The following MYO18B variants were observed in gnomAD, a reference collection of about 807,000 sequenced individuals.
MYO18B encodes the protein myosin XVIIIB.
A neutral mutation model predicts 273.0 loss-of-function variants in MYO18B; 204 were observed. The observed-to-expected ratio is 0.75, with a 90% CI of 0.67 to 0.84. The LOEUF is 0.84. MYO18B is among the 40% of genes least tolerant of loss of function. The pLI, the probability that MYO18B is intolerant of heterozygous loss-of-function variation, is 0.00. For synonymous variants in MYO18B, 1,330 were observed against 1,305.7 expected, an observed-to-expected ratio of 1.02 and a Z score of -0.40; for missense variants, 3,212 against 3,287.6, an observed-to-expected ratio of 0.98 and a Z score of 0.56.
chr22:25,891,349 C>T lies in MYO18B; in HGVS notation c.4480C>T (p.Gln1494Ter). The T allele has an allele frequency of 6.3e-7, 1 of 1,584,812 alleles. No individual in the cohort carries two copies. Among genetic ancestry groups the T allele is most frequent in the Non-Finnish European group, 8.6e-7 (1 of 1,165,206 alleles). The change falls in exon 27 of 44, where the codon CAG becomes TAG. Residue 1494 changes from glutamine to a stop codon, truncating the protein, a stop_gained. Transcript: ENST00000335473. LOFTEE classifies it high-confidence loss of function. ...VQKKLGDVNK[Q>*]LEEAQQKIQL... ...GAAAAAACTGGGAGATGTGAATAAA[C>T]AGTTGGAAGAAGCCCAGCAGAAAAT... is the stretch of plus-strand genomic sequence containing the variant.
chr22:25,884,303 CTG>C (rs1292230837), intron 25 of MYO18B, among the ~76,000 whole-genome samples: 1 of 152,196 alleles, frequency 6.6e-6, no homozygotes, highest in Non-Finnish European at 1.5e-5. Context: ...TCACTGGTAA[CTG>C]AGCCCAGACC....
At chr22:25,753,402 GTCAGCTCTTTGTAAAACGGACCAA>G (rs2086004724) in intron 1 of MYO18B, among the ~76,000 whole-genome samples, 1 of 152,138 alleles carries the variant, frequency 6.6e-6, no homozygotes, top group African/African-American at 2.4e-5. Context: ...AAACGGACCA[GTCAGCTCTTTGTAAAACGGACCAA>G]TCAGCTCTCT....
chr22:25,758,010 G>A (rs1331531044), intron 1 of MYO18B, among the ~76,000 whole-genome samples: 1 of 152,104 alleles, frequency 6.6e-6, no homozygotes, highest in Non-Finnish European at 1.5e-5. Context: ...TTGTTGTTTT[G>A]TTTGTTCGTT....
chr22:25,772,264 G>A (rs974594200), intron 6 of MYO18B, 70 bp from the exon 7 acceptor site: 34 of 1,486,182 alleles, frequency 2.3e-5, no homozygotes, highest in Non-Finnish European at 3.1e-5. Flanking sequence ...TTGGTTGCGG[G>A]GGGGTGGGGT....
intron 42 of MYO18B, among the ~76,000 whole-genome samples, chr22:26,013,699 T>A (rs1352378539): frequency 6.6e-6 from 1 of 152,214 alleles, no homozygotes. Flanking sequence ...ATTTAAAAAA[T>A]TAGCTATTCT....
intron 22 of MYO18B, among the ~76,000 whole-genome samples, chr22:25,869,086 A>G (rs932511911): frequency 1.3e-5 from 2 of 152,124 alleles, no homozygotes; most frequent in Non-Finnish European, 2.9e-5. Context: ...TAGTTTGGGA[A>G]GTGGGGCACG....
chr22:25,947,693 A>G lies in MYO18B; in HGVS notation c.5632-19A>G, dbSNP rs760534933. 3 of 1,604,760 alleles carry G rather than the reference A, an allele frequency of 1.9e-6. No individual in the cohort carries two copies. The East Asian group carries it at 6.7e-5, about 36-fold the overall frequency. Reference sequence around the variant, plus strand: ...CTCACCCTCTCACCTTGCCTTGACCACTGATCTGCCTCCCCCAGGTGGATG... The same window carrying G: ...CTCACCCTCTCACCTTGCCTTGACCGCTGATCTGCCTCCCCCAGGTGGATG... On this transcript the variant is annotated intron_variant, in intron 35 of 43. Transcript: ENST00000335473.
chr22:26,035,891 T>C (rs1207815105), downstream of MYO18B, among the ~76,000 whole-genome samples: 2 of 152,162 alleles, frequency 1.3e-5, no homozygotes, highest in Non-Finnish European at 2.9e-5. Flanking sequence ...GGCTCAAAGG[T>C]CAATTTCCTG....
chr22:25,806,529 G>A (rs992889406), intron 12 of MYO18B, among the ~76,000 whole-genome samples: 2 of 152,220 alleles, frequency 1.3e-5, no homozygotes, highest in Admixed American at 6.5e-5. Context: ...TCCTGGGGAA[G>A]GCAGCGGGAG....
At chr22:25,807,389 AG>A (rs1356626871) in intron 12 of MYO18B, among the ~76,000 whole-genome samples, 6 of 152,236 alleles carry the variant, frequency 3.9e-5, no homozygotes, top group Non-Finnish European at 8.8e-5. Flanking sequence ...GTGCTGCTGA[AG>A]GAATCAGCCC....
intron 31 of MYO18B, among the ~76,000 whole-genome samples, chr22:25,906,194 A>G (rs2092039241): frequency 6.6e-6 from 1 of 152,204 alleles, no homozygotes; most frequent in African/African-American, 2.4e-5. Flanking sequence ...TTATAATACA[A>G]CACTTTTTCC....
intron 23 of MYO18B, among the ~76,000 whole-genome samples, chr22:25,874,617 G>A (rs1353068525): frequency 3.9e-5 from 6 of 152,208 alleles, no homozygotes; most frequent in Admixed American, 2.0e-4. Flanking sequence ...CCTTGCGCTA[G>A]GTAGCCATGA....
chr22:25,961,245 G>T (rs1006074775), intron 39 of MYO18B, among the ~76,000 whole-genome samples: 1 of 149,654 alleles, frequency 6.7e-6, no homozygotes, highest in African/African-American at 2.5e-5. Context: ...AAGAAAGAAA[G>T]AAAACAACAA....
Position 25,992,338 on chromosome 22 carries a change from G to A in MYO18B, c.6157-25G>A, listed in dbSNP as rs12166988. 185,849 of 1,611,700 alleles carry A rather than the reference G, an allele frequency of 0.12. 11,662 individuals are homozygous for A. Among genetic ancestry groups the A allele is most frequent in the South Asian group, 0.14 (12,941 of 90,980 alleles). ...GGTGCATTTCTTGCCCAAGGCCAAC[G>A]TGTGTTTGCATCTTCTGTCCCCAGG... On this transcript the variant is annotated intron_variant, in intron 39 of 43. Transcript: ENST00000335473.
chr22:25,806,384 C>T (rs1032117165), intron 12 of MYO18B, among the ~76,000 whole-genome samples: 4 of 152,112 alleles, frequency 2.6e-5, no homozygotes, highest in Admixed American at 1.3e-4. Flanking sequence ...AGATTTGTCT[C>T]GAGAGGCTGG....
At chr22:25,837,495 T>C (rs2089941245) in intron 17 of MYO18B, among the ~76,000 whole-genome samples, 1 of 152,188 alleles carries the variant, frequency 6.6e-6, no homozygotes, top group Admixed American at 6.5e-5. Context: ...ATTGGAGACA[T>C]AGACAGATGC....
chr22:26,005,469 A>G (rs1934345390), intron 42 of MYO18B, among the ~76,000 whole-genome samples: 1 of 152,188 alleles, frequency 6.6e-6, no homozygotes, highest in Admixed American at 6.5e-5. Context: ...AATTGCCAAC[A>G]ACAACCGCCT....
intron 39 of MYO18B, among the ~76,000 whole-genome samples, chr22:25,960,281 G>A (rs1569238872): frequency 6.6e-6 from 1 of 152,146 alleles, no homozygotes; most frequent in African/African-American, 2.4e-5. Flanking sequence ...CAACTCATCT[G>A]TGGATGTATA....
At chr22:25,982,110 T>C (rs2093154900) in intron 39 of MYO18B, among the ~76,000 whole-genome samples, 1 of 152,094 alleles carries the variant, frequency 6.6e-6, no homozygotes, top group Non-Finnish European at 1.5e-5. Flanking sequence ...TTTGCTAACA[T>C]GAGAGCAGCA....
Sources: gnomAD v4.1 joint callset for allele counts (sites outside exome capture counted in the v4.1 genomes callset) on GRCh38, gnomAD v4.1.1 for gene constraint, MANE v1.5 for transcripts, NCBI Gene and HGNC (gene_info 2026-07-23, HGNC 2026-07-21) for gene names.